ABCC9: variants seen among roughly 807,000 people sequenced by gnomAD.
ABCC9 encodes the protein ATP-binding cassette sub-family C member 9.
Under a neutral mutation model 188.3 loss-of-function variants are expected in ABCC9, and 95 were observed. That is an observed-to-expected ratio of 0.50 (90% CI 0.43 to 0.60). The LOEUF is 0.60. ABCC9 is among the 20% of genes least tolerant of loss of function. ABCC9 has a pLI of 0.00. For missense variants in ABCC9, 1,102 were observed against 1,876.3 expected (o/e 0.59, Z 7.62); for synonymous variants, 659 against 652.7 (o/e 1.01, Z -0.15).
chr12:21,861,948 G>T (rs1945527740), intron 20 of ABCC9, among the ~76,000 whole-genome samples: 1 of 152,116 alleles, frequency 6.6e-6, no homozygotes, highest in Non-Finnish European at 1.5e-5. Context: ...GAAATCAGAT[G>T]AACTGGAAGT....
chr12:21,813,746 A>C (rs1391689911), intron 35 of ABCC9, among the ~76,000 whole-genome samples: 1 of 152,176 alleles, frequency 6.6e-6, no homozygotes, highest in African/African-American at 2.4e-5. Context: ...TTGTTCCTGA[A>C]TCTGAACCCC....
chr12:21,873,844 C>T (rs73074943), intron 17 of ABCC9, among the ~76,000 whole-genome samples: 2,105 of 152,118 alleles, frequency 0.014, 18 homozygotes, highest in Non-Finnish European at 0.022. Flanking sequence ...GGAGCCTATA[C>T]TACACCATAC....
In ABCC9 at chr12:21,910,215, G is replaced by C. The variant is rs1156794360; in HGVS notation, c.1262C>G (p.Thr421Ser). The C allele has an allele frequency of 1.2e-6, 2 of 1,611,150 alleles. No homozygotes were observed. The highest frequency in any genetic ancestry group is 1.7e-5 in the Admixed American group (1 of 59,740). ...GQINNLVAIE[T>S]NQLMWFLFLC... ...GAACAAAAACCACATGAGTTGATTA[G>C]TTTCAATGGCGACTAAGTTGTTGAT... Residue 421 changes from threonine (T) to serine (S), a missense_variant, in exon 10 of 40, where the codon ACT (threonine) becomes AGT (serine). This residue lies in a region of ABCC9 where 305 missense variants were observed against 573.0 expected (regional missense o/e 0.53). Coordinates refer to ENST00000261200, the MANE Select transcript of ABCC9 (RefSeq NM_020297.4).
chr12:21,842,443 G>A lies in ABCC9; in HGVS notation c.3344C>T (p.Thr1115Ile). 1 of 1,614,128 alleles carries A rather than the reference G, an allele frequency of 6.2e-7. No individual in the cohort carries two copies. The highest frequency in any genetic ancestry group is 8.5e-7 in the Non-Finnish European group (1 of 1,179,974). Residue 1115 changes from threonine to isoleucine, a missense_variant, in exon 29 of 40, where the codon ACT (threonine) becomes ATT (isoleucine). By Grantham distance (89) the Thr-to-Ile change is moderately conservative (BLOSUM62 -1). Coordinates refer to ENST00000261200, the MANE Select transcript of ABCC9 (RefSeq NM_020297.4). Reference sequence around the variant, plus strand: ...AGACAGGCAGAGCAGTGTTGAGCGAGTTAGAGATTCCAAGGTTGGAGGGAT... The same window carrying A: ...AGACAGGCAGAGCAGTGTTGAGCGAATTAGAGATTCCAAGGTTGGAGGGAT... ...QHIPPTLESLTRSTLLCLSAI... is the reference protein window; with the variant it reads ...QHIPPTLESLIRSTLLCLSAI...
At chr12:21,846,958 G>C (rs976179450) in intron 25 of ABCC9, among the ~76,000 whole-genome samples, 1 of 150,744 alleles carries the variant, frequency 6.6e-6, no homozygotes, top group African/African-American at 2.4e-5. Flanking sequence ...TAAGACTTGA[G>C]TTGAGTCTCT....
At chr12:21,926,204 C>T in intron 4 of ABCC9, 141 bp from the exon 5 acceptor site, 1 of 1,173,598 alleles carries the variant, frequency 8.5e-7, no homozygotes, top group Admixed American at 2.1e-5. Context: ...CAAGATAATA[C>T]ATAAGGGAAG....
intron 35 of ABCC9, among the ~76,000 whole-genome samples, chr12:21,813,153 T>C (rs1008779334): frequency 6.6e-6 from 1 of 152,222 alleles, no homozygotes; most frequent in Non-Finnish European, 1.5e-5. Flanking sequence ...CATTCACTCC[T>C]GTATTGATTT....
At chr12:21,837,532 T>G (rs1944164617) in intron 30 of ABCC9, among the ~76,000 whole-genome samples, 1 of 152,166 alleles carries the variant, frequency 6.6e-6, no homozygotes, top group Non-Finnish European at 1.5e-5. Flanking sequence ...GGATAGGTAA[T>G]TTTTTGAAAG....
intron 4 of ABCC9, 33 bp downstream of exon 4, chr12:21,933,749 C>G (rs781001161): frequency 5.6e-6 from 9 of 1,602,310 alleles, no homozygotes; most frequent in Middle Eastern, 1.7e-4. Flanking sequence ...CACTGGTATA[C>G]TGCAGTGGTA....
chr12:21,932,431 A>G (rs1475930364), intron 4 of ABCC9, among the ~76,000 whole-genome samples: 1 of 152,140 alleles, frequency 6.6e-6, no homozygotes, highest in African/African-American at 2.4e-5. Context: ...ATCTAATTAA[A>G]CTAAAGAGCT....
intron 7 of ABCC9, 56 bp downstream of exon 7, chr12:21,915,612 A>T (rs1044308742): frequency 6.3e-7 from 1 of 1,593,130 alleles, no homozygotes; most frequent in African/African-American, 1.4e-5. Context: ...TCCCAGGTTC[A>T]TGCCAACAGG....
intron 30 of ABCC9, among the ~76,000 whole-genome samples, chr12:21,833,420 G>A (rs759268443): frequency 6.6e-6 from 1 of 151,498 alleles, no homozygotes; most frequent in Non-Finnish European, 1.5e-5. Flanking sequence ...ATAATATTTT[G>A]TTCTACTTAA....
intron 24 of ABCC9, among the ~76,000 whole-genome samples, chr12:21,849,607 A>G (rs975345584): frequency 6.6e-6 from 1 of 152,184 alleles, no homozygotes; most frequent in Non-Finnish European, 1.5e-5. Flanking sequence ...AAAAAAACAA[A>G]TAAACAAACA....
At chr12:21,860,249 C>T (rs1315084731) in intron 21 of ABCC9, among the ~76,000 whole-genome samples, 3 of 152,154 alleles carry the variant, frequency 2.0e-5, no homozygotes, top group African/African-American at 7.2e-5. Flanking sequence ...GAACTTAAGT[C>T]CATTCTCATA....
At position 21,932,966 on chromosome 12, in the gene ABCC9, A is replaced by T. The variant is rs563673351; in HGVS notation, c.284+816T>A. Among the ~76,000 whole-genome samples, 10 of 112,952 alleles carry T rather than the reference A, an allele frequency of 8.9e-5. 1 individual carries two copies. The highest frequency in any genetic ancestry group is 2.0e-4 in the Non-Finnish European group (10 of 49,716). 74.1% of individuals were successfully genotyped at this position (112,952 alleles called of 152,430 possible). ...ATTGCAGCACTATTCACAATAGCAA[A>T]GACATGGAATCAACCTAAATGTCCA... On this transcript the variant is annotated intron_variant, in intron 4 of 39. Transcript: ENST00000261200.
intron 13 of ABCC9, among the ~76,000 whole-genome samples, chr12:21,894,807 G>A (rs1408784236): frequency 3.3e-5 from 5 of 152,078 alleles, no homozygotes; most frequent in African/African-American, 7.2e-5. Context: ...ACCAGTTGCC[G>A]ATTTTGTCAT....
intron 20 of ABCC9, among the ~76,000 whole-genome samples, chr12:21,862,199 C>G (rs1482462532): frequency 6.6e-6 from 1 of 152,042 alleles, no homozygotes; most frequent in African/African-American, 2.4e-5. Context: ...CCAACTGACT[C>G]CTAAATGTCT....
At chr12:21,821,129 G>A (rs369330289) in intron 31 of ABCC9, among the ~76,000 whole-genome samples, 25 of 152,044 alleles carry the variant, frequency 1.6e-4, no homozygotes, top group African/African-American at 5.1e-4. Flanking sequence ...GACTTCTCCC[G>A]ACTTTTCTTT....
Position 21,900,847 on chromosome 12 carries a change from C to A in ABCC9, c.1618+5279G>T, listed in dbSNP as rs186132250. Among the ~76,000 whole-genome samples, 243 of 152,258 alleles carry A rather than the reference C, an allele frequency of 1.6e-3. 1 individual carries two copies. Among genetic ancestry groups the A allele is most frequent in the Middle Eastern group, 6.8e-3 (2 of 294 alleles). ...GTCTGATTGGGGTACCTGAAAGTGA[C>A]AGGGAGAATGGAACCAAGCTAGAAA... is the stretch of plus-strand genomic sequence containing the variant. On this transcript the variant is annotated intron_variant, in intron 12 of 39. Transcript: ENST00000261200.
Sources: gnomAD v4.1 joint callset for allele counts (sites outside exome capture counted in the v4.1 genomes callset) on GRCh38, gnomAD v4.1.1 for gene constraint, gnomAD v4.1.1 regional missense constraint, MANE v1.5 for transcripts, NCBI Gene and HGNC (gene_info 2026-07-23, HGNC 2026-07-21) for gene names.